The following PAGE2B variants were observed in gnomAD, a reference collection of about 807,000 sequenced individuals.
PAGE2B encodes the protein putative G antigen family E member 3.
Under a neutral mutation model 7.6 loss-of-function variants are expected in PAGE2B, and 5 were observed. That is an observed-to-expected ratio of 0.66 (90% CI 0.34 to 1.38). PAGE2B has a LOEUF of 1.38. Among genes scored for constraint, PAGE2B ranks in the 40% most tolerant of loss-of-function variants. The probability of loss-of-function intolerance (pLI) is 0.04; values close to 1 mark genes in which losing one functional copy is unlikely to be tolerated. For missense variants in PAGE2B, 70 were observed against 78.4 expected, an observed-to-expected ratio of 0.89 and a Z score of 0.41; for synonymous variants, 29 against 26.7, an observed-to-expected ratio of 1.09 and a Z score of -0.27.
At chrX:55,032,140 G>A in the PAGE2B span, among the ~76,000 whole-genome samples, 1 of 110,687 alleles carries the variant, frequency 9.0e-6, no homozygotes, top group Non-Finnish European at 1.9e-5. Context: ...TTTTTAGAGG[G>A]TGGCATCCTA....
At chrX:55,045,531 A>T in the PAGE2B span, among the ~76,000 whole-genome samples, 46 of 111,555 alleles carry the variant, frequency 4.1e-4, no homozygotes, top group East Asian at 0.01. Context: ...TCTGAAAAAA[A>T]AATAGGTATA....
chrX:55,067,009 C>A, the PAGE2B span, among the ~76,000 whole-genome samples: 42 of 109,591 alleles, frequency 3.8e-4, no homozygotes, highest in African/African-American at 1.4e-3. Context: ...TTCAAATAAC[C>A]TATTTTCAAG....
the PAGE2B span, among the ~76,000 whole-genome samples, chrX:55,030,253 G>A: frequency 8.9e-6 from 1 of 111,783 alleles, no homozygotes; most frequent in African/African-American, 3.3e-5. Flanking sequence ...GAATTAGGAT[G>A]AGAATAGAAA....
the PAGE2B span, among the ~76,000 whole-genome samples, chrX:55,036,548 A>T: frequency 9.0e-6 from 1 of 111,320 alleles, no homozygotes; most frequent in Non-Finnish European, 1.9e-5. Flanking sequence ...TTCTGCATCT[A>T]TTGAGAAAGT....
the PAGE2B span, among the ~76,000 whole-genome samples, chrX:55,068,156 C>T: frequency 8.9e-6 from 1 of 112,262 alleles, no homozygotes; most frequent in African/African-American, 3.2e-5. Flanking sequence ...AATGGTATTG[C>T]CTAGGCTTTC....
chrX:55,050,949 G>GT, the PAGE2B span, among the ~76,000 whole-genome samples: 1 of 111,780 alleles, frequency 8.9e-6, no homozygotes, highest in East Asian at 2.8e-4. Flanking sequence ...GCTGGTACCG[G>GT]TTGTTCCTTT....
the PAGE2B span, among the ~76,000 whole-genome samples, chrX:55,056,752 A>G: frequency 9.0e-6 from 1 of 111,472 alleles, no homozygotes; most frequent in Non-Finnish European, 1.9e-5. Flanking sequence ...GGATTCTAGA[A>G]GTAGTGCCAG....
At chrX:55,047,348 T>C in the PAGE2B span, among the ~76,000 whole-genome samples, 35 of 112,061 alleles carry the variant, frequency 3.1e-4, no homozygotes, top group East Asian at 9.2e-3. Flanking sequence ...TTTGGGTTGG[T>C]TCCAAGTCTT....
chrX:55,054,520 A>C, the PAGE2B span, among the ~76,000 whole-genome samples: 2 of 112,258 alleles, frequency 1.8e-5, no homozygotes, highest in Admixed American at 9.4e-5. Flanking sequence ...ACACAGAAAG[A>C]CTCACTTCAC....
chrX:55,076,201 ACT>A, intron 2 of PAGE2B, 76 bp downstream of exon 2: 2 of 1,061,624 alleles, frequency 1.9e-6, no homozygotes, highest in Non-Finnish European at 2.6e-6. Flanking sequence ...GTGTACACGC[ACT>A]GATACAGGTG....
chrX:55,041,612 G>A, the PAGE2B span, among the ~76,000 whole-genome samples: 1 of 111,850 alleles, frequency 8.9e-6, no homozygotes, highest in Non-Finnish European at 1.9e-5. Context: ...AAGTACCCCA[G>A]GCAGTAAACT....
At chrX:55,069,771 G>A in the PAGE2B span, among the ~76,000 whole-genome samples, 2 of 111,452 alleles carry the variant, frequency 1.8e-5, no homozygotes, top group South Asian at 3.7e-4. Flanking sequence ...TTAGTCTTGG[G>A]AGGGTGTATG....
At chrX:55,052,477 G>A in the PAGE2B span, among the ~76,000 whole-genome samples, 5 of 112,484 alleles carry the variant, frequency 4.4e-5, no homozygotes, top group East Asian at 8.5e-4. Context: ...CTTCTGGGCT[G>A]TTTTGTTTAC....
chrX:55,058,391 T>A, the PAGE2B span, among the ~76,000 whole-genome samples: 2 of 111,136 alleles, frequency 1.8e-5, no homozygotes. Flanking sequence ...CAAGCACCAA[T>A]ATTTATTGAG....
the PAGE2B span, among the ~76,000 whole-genome samples, chrX:55,034,043 C>T: frequency 8.9e-6 from 1 of 111,828 alleles, no homozygotes; most frequent in African/African-American, 3.3e-5. Context: ...AAAAGGTTGT[C>T]CCAGTTAACG....
chrX:55,048,955 C>A, the PAGE2B span, among the ~76,000 whole-genome samples: 1 of 111,742 alleles, frequency 8.9e-6, no homozygotes, highest in Admixed American at 9.5e-5. Context: ...TCATAGATAG[C>A]TCTTATTATT....
the PAGE2B span, among the ~76,000 whole-genome samples, chrX:55,040,033 A>G: frequency 1.0e-3 from 112 of 110,056 alleles, no homozygotes; most frequent in Non-Finnish European, 1.6e-3. Flanking sequence ...ACTTAAAGGA[A>G]CTCAATATTT....
At chrX:55,041,678 C>T in the PAGE2B span, among the ~76,000 whole-genome samples, 1 of 111,851 alleles carries the variant, frequency 8.9e-6, no homozygotes, top group Non-Finnish European at 1.9e-5. Context: ...CTCCTGTCCC[C>T]TATGCTCCCC....
the PAGE2B span, among the ~76,000 whole-genome samples, chrX:55,069,457 A>G: frequency 9.0e-6 from 1 of 110,623 alleles, no homozygotes; most frequent in Non-Finnish European, 1.9e-5. Context: ...TTTATTGAGG[A>G]TTTTTGGATC....
Sources: gnomAD v4.1 joint callset for allele counts (sites outside exome capture counted in the v4.1 genomes callset) on GRCh38, gnomAD v4.1.1 for gene constraint, MANE v1.5 for transcripts, NCBI Gene and HGNC (gene_info 2026-07-23, HGNC 2026-07-21) for gene names.